AP1G1: variants seen among roughly 807,000 people sequenced by gnomAD.
AP1G1 encodes the protein AP-1 complex subunit gamma-1.
A neutral mutation model predicts 108.3 loss-of-function variants in AP1G1; 7 were observed. The observed-to-expected ratio is 0.06, with a 90% CI of 0.04 to 0.12. AP1G1 has a LOEUF of 0.12. Among genes scored for constraint, AP1G1 ranks in the 10% least tolerant of loss-of-function variants. AP1G1 has a pLI of 1.00. For missense variants in AP1G1, 756 were observed against 1,010.7 expected (o/e 0.75, Z 3.42); for synonymous variants, 379 against 353.5 (o/e 1.07, Z -0.81).
chr16:71,753,123 CTTAA>C lies in AP1G1; in HGVS notation c.1284+706_1284+709del, dbSNP rs1324587602. 2.0e-5 allele frequency among the ~76,000 whole-genome samples: 3 copies of C among 152,108 alleles called. No homozygotes were observed. In the East Asian group the frequency reaches 5.8e-4, roughly 29 times the overall value. On this transcript the variant is annotated intron_variant, in intron 13 of 22. Transcript: ENST00000299980. ...CCTTTACAGTAGCTACTTCTAGTGA[CTTAA>C]TTAATGGAAATGGTTTTCTTTACAT...
chr16:71,788,471 T>C (rs1007417804), intron 2 of AP1G1, among the ~76,000 whole-genome samples: 1 of 152,208 alleles, frequency 6.6e-6, no homozygotes. Context: ...ATAGTAACCA[T>C]TTGTGCATGG....
At chr16:71,740,587 T>C (rs148070366) in intron 19 of AP1G1, among the ~76,000 whole-genome samples, 143 of 152,280 alleles carry the variant, frequency 9.4e-4, no homozygotes, top group Middle Eastern at 6.8e-3. Context: ...GTGAATTCAC[T>C]AGAAATACAC....
intron 13 of AP1G1, among the ~76,000 whole-genome samples, chr16:71,751,660 T>C (rs1245316328): frequency 2.0e-5 from 3 of 152,122 alleles, no homozygotes; most frequent in Non-Finnish European, 4.4e-5. Flanking sequence ...CAAGAAAGCA[T>C]CAGGGTGATC....
At chr16:71,733,230 T>C (rs961220999) in intron 22 of AP1G1, 71 bp from the exon 23 acceptor site, 11 of 1,257,794 alleles carry the variant, frequency 8.7e-6, no homozygotes, top group South Asian at 7.9e-5. Context: ...GGTCCACAAA[T>C]AGACTTTTAA....
intron 1 of AP1G1, chr16:71,808,111 C>A (rs1279621826): frequency 1.7e-6 from 2 of 1,147,082 alleles, no homozygotes; most frequent in African/African-American, 1.6e-5. Flanking sequence ...TCAGGAAGAC[C>A]GGGAGAATTA....
chr16:71,745,042 C>T, intron 19 of AP1G1, 102 bp downstream of exon 19: 1 of 1,310,060 alleles, frequency 7.6e-7, no homozygotes, highest in Admixed American at 2.1e-5. Context: ...TAGCCTCTCC[C>T]ATCTTCAAAT....
At chr16:71,784,662 G>A (rs977816808) in intron 2 of AP1G1, among the ~76,000 whole-genome samples, 1 of 151,888 alleles carries the variant, frequency 6.6e-6, no homozygotes, top group African/African-American at 2.4e-5. Flanking sequence ...AGGTTCAAGT[G>A]ATTCTCCTGC....
chr16:71,764,596 T>G (rs1427541748), intron 8 of AP1G1, 50 bp downstream of exon 8: 3 of 1,417,448 alleles, frequency 2.1e-6, no homozygotes, highest in African/African-American at 1.5e-5. Context: ...ATCATTCTAC[T>G]CCCAGCGAAA....
Position 71,732,873 on chromosome 16 carries a change from G to C in AP1G1, c.*185C>G. On this transcript the variant is annotated 3_prime_UTR_variant, in exon 23 of 23. Transcript: ENST00000299980. ...AGAAGCAGCCAGCCTCAACAGTGGA[G>C]GAGAGGACATTAGTCTTTAACAATG... 1.8e-6 allele frequency: 1 copy of C among 545,582 alleles called. No individual in the cohort carries two copies. Among genetic ancestry groups the C allele is most frequent in the Non-Finnish European group, 3.2e-6 (1 of 308,374 alleles). 33.8% of individuals were successfully genotyped at this position (545,582 alleles called of 1,614,324 possible).
At chr16:71,749,856 C>G in intron 15 of AP1G1, 38 bp downstream of exon 15, 2 of 1,521,334 alleles carry the variant, frequency 1.3e-6, no homozygotes, top group Non-Finnish European at 1.8e-6. Flanking sequence ...ACCAAAACCA[C>G]TATTTTCCCC....
chr16:71,788,232 T>C (rs2145522433), intron 2 of AP1G1, among the ~76,000 whole-genome samples: 2 of 152,364 alleles, frequency 1.3e-5, no homozygotes, highest in Middle Eastern at 6.8e-3. Context: ...CTGATAGTGT[T>C]GCACATTCTT....
At chr16:71,807,926 A>T in intron 1 of AP1G1, 1 of 1,277,088 alleles carries the variant, frequency 7.8e-7, no homozygotes, top group Non-Finnish European at 1.0e-6. Context: ...CAGGGAGGGA[A>T]TCCACATATG....
intron 1 of AP1G1, among the ~76,000 whole-genome samples, chr16:71,789,835 T>G (rs2032332119): frequency 6.6e-6 from 1 of 152,222 alleles, no homozygotes; most frequent in Non-Finnish European, 1.5e-5. Flanking sequence ...GAAAGGCCTA[T>G]GCCTAACCTT....
At chr16:71,798,168 G>A (rs2032652211) in intron 1 of AP1G1, among the ~76,000 whole-genome samples, 1 of 152,164 alleles carries the variant, frequency 6.6e-6, no homozygotes, top group African/African-American at 2.4e-5. Context: ...TGTTAAGGCT[G>A]GGTGCGGTGG....
Position 71,739,360 on chromosome 16 carries a change from T to A in AP1G1, c.2000-19A>T. 6.4e-7 allele frequency: 1 copy of A among 1,559,006 alleles called. No individual in the cohort carries two copies. The highest frequency in any genetic ancestry group is 8.6e-7 in the Non-Finnish European group (1 of 1,157,832). On this transcript the variant is annotated intron_variant, in intron 19 of 22. Coordinates refer to ENST00000299980, the MANE Select transcript of AP1G1 (RefSeq NM_001128.6). Reference sequence around the variant, plus strand: ...GGAGCACCTAAAGGAAATATTTTAATGGAAAGTTAACCTTAGGCAGCATGA... The same window carrying A: ...GGAGCACCTAAAGGAAATATTTTAAAGGAAAGTTAACCTTAGGCAGCATGA...
intron 1 of AP1G1, among the ~76,000 whole-genome samples, chr16:71,793,140 C>G (rs980178799): frequency 6.6e-6 from 1 of 152,176 alleles, no homozygotes; most frequent in East Asian, 1.9e-4. Context: ...GCACTCCAGC[C>G]TGGGCGATGG....
chr16:71,782,989 G>C (rs2032080251), intron 2 of AP1G1, among the ~76,000 whole-genome samples: 1 of 152,074 alleles, frequency 6.6e-6, no homozygotes, highest in Non-Finnish European at 1.5e-5. Flanking sequence ...AGTATCTGGA[G>C]ACCACAGTCT....
intron 2 of AP1G1, among the ~76,000 whole-genome samples, chr16:71,786,942 A>ACTG (rs2032225686): frequency 6.6e-6 from 1 of 152,072 alleles, no homozygotes; most frequent in Non-Finnish European, 1.5e-5. Context: ...CAGAAGGTCG[A>ACTG]GGCTGCAGTG....
chr16:71,732,385 C>T lies in AP1G1; in HGVS notation c.*673G>A, dbSNP rs1334749544. 1.3e-5 allele frequency: 2 copies of T among 152,576 alleles called. No homozygotes were observed. Among genetic ancestry groups the T allele is most frequent in the Non-Finnish European group, 2.9e-5 (2 of 68,052 alleles). 9.5% of individuals were successfully genotyped at this position (152,576 alleles called of 1,614,324 possible). On this transcript the variant is annotated 3_prime_UTR_variant, in exon 23 of 23. Transcript: ENST00000299980. ...AAAAGCTCTTTTTAACTCCATCTGT[C>T]CAGTGTTTACAAATAAACTCGCAAG...
Sources: allele counts gnomAD v4.1 joint callset (sites outside exome capture counted in the v4.1 genomes callset), GRCh38; gene constraint gnomAD v4.1.1; transcripts MANE v1.5; gene names NCBI Gene and HGNC (gene_info 2026-07-23, HGNC 2026-07-21).